TMCC1: variants seen among roughly 807,000 people sequenced by gnomAD.
TMCC1 encodes the protein transmembrane and coiled-coil domains protein 1.
A neutral mutation model predicts 52.4 loss-of-function variants in TMCC1; 15 were observed. The ratio of observed to expected loss-of-function variants is 0.29; its 90% CI spans 0.19 to 0.44. TMCC1 has a LOEUF of 0.44. Ranked by LOEUF, TMCC1 falls within the 20% of genes least tolerant of loss-of-function variation. TMCC1 has a pLI of 1.00. For synonymous variants in TMCC1, 279 were observed against 301.9 expected (o/e 0.92, Z 0.79); for missense variants, 503 against 806.0 (o/e 0.62, Z 4.55).
In TMCC1 at chr3:129,671,161, G is replaced by A. The variant is rs1292142348; in HGVS notation, c.680C>T (p.Pro227Leu). 6.2e-7 allele frequency: 1 copy of A among 1,614,164 alleles called. No individual in the cohort carries two copies. The highest frequency in any genetic ancestry group is 8.5e-7 in the Non-Finnish European group (1 of 1,180,032). ...AGCAATGGCAGCCTTTGTGCGCTGA[G>A]GGTCTGGTGTTCCATCCACAGAGTC... ...HTDSVDGTPD[P>L]QRTKAAIAHL... Residue 227 changes from proline (P) to leucine (L), a missense_variant, in exon 5 of 7, where the codon CCT (proline) becomes CTT (leucine). By Grantham distance (98) the Pro-to-Leu change is moderately conservative (BLOSUM62 -3). This residue lies in a region of TMCC1 where 217 missense variants were observed against 297.9 expected (regional missense o/e 0.73). Transcript: ENST00000393238.
At chr3:129,840,906 G>A (rs188436439) in intron 2 of TMCC1, among the ~76,000 whole-genome samples, 10 of 152,266 alleles carry the variant, frequency 6.6e-5, no homozygotes, top group Admixed American at 1.3e-4. Flanking sequence ...CAGGAATGGG[G>A]TACTACTATA....
chr3:129,867,539 C>T (rs2060710153), intron 2 of TMCC1, among the ~76,000 whole-genome samples: 1 of 152,128 alleles, frequency 6.6e-6, no homozygotes, highest in Admixed American at 6.6e-5. Context: ...TCAATAAATG[C>T]TAATTCAGTG....
intron 4 of TMCC1, among the ~76,000 whole-genome samples, chr3:129,814,888 C>T (rs910057164): frequency 2.6e-5 from 4 of 152,118 alleles, no homozygotes; most frequent in African/African-American, 9.7e-5. Flanking sequence ...AACATCAGAG[C>T]TCCCAAGTAC....
chr3:129,656,529 T>C (rs745398027), intron 5 of TMCC1: 25 of 152,344 alleles, frequency 1.6e-4, no homozygotes, highest in Middle Eastern at 3.4e-3. Flanking sequence ...TTTCTGTGTT[T>C]AAGGTAATTT....
intron 4 of TMCC1, among the ~76,000 whole-genome samples, chr3:129,816,486 A>G (rs1423389306): frequency 6.6e-6 from 1 of 152,210 alleles, no homozygotes; most frequent in Non-Finnish European, 1.5e-5. Flanking sequence ...GCCAAGCAAG[A>G]TAAACATCAC....
chr3:129,885,249 A>C (rs1415936434), intron 1 of TMCC1, among the ~76,000 whole-genome samples: 1 of 152,172 alleles, frequency 6.6e-6, no homozygotes, highest in Non-Finnish European at 1.5e-5. Flanking sequence ...CCAAACTGGC[A>C]AAAGAAGAAA....
chr3:129,662,545 C>T (rs969735139), intron 5 of TMCC1, among the ~76,000 whole-genome samples: 4 of 151,938 alleles, frequency 2.6e-5, no homozygotes, highest in Non-Finnish European at 4.4e-5. Flanking sequence ...AGCTGAGGCA[C>T]GACAATTGCT....
At chr3:129,845,786 T>G (rs1317647449) in intron 2 of TMCC1, among the ~76,000 whole-genome samples, 1 of 152,090 alleles carries the variant, frequency 6.6e-6, no homozygotes, top group Admixed American at 6.6e-5. Flanking sequence ...TAAAATACCC[T>G]GAAATTCCAT....
chr3:129,772,426 C>T (rs1167691286), intron 4 of TMCC1, among the ~76,000 whole-genome samples: 1 of 151,880 alleles, frequency 6.6e-6, no homozygotes, highest in Admixed American at 6.6e-5. Context: ...ATTAAAACAA[C>T]TGATTCATAC....
chr3:129,704,316 T>C (rs2048054321), intron 4 of TMCC1, among the ~76,000 whole-genome samples: 2 of 152,228 alleles, frequency 1.3e-5, no homozygotes, highest in African/African-American at 4.8e-5. Flanking sequence ...TTCTATAACC[T>C]GGTATCAACA....
intron 4 of TMCC1, among the ~76,000 whole-genome samples, chr3:129,712,625 T>A (rs1445981817): frequency 6.6e-6 from 1 of 151,328 alleles, no homozygotes; most frequent in Non-Finnish European, 1.5e-5. Flanking sequence ...TTAAAAAAAT[T>A]TTTTTTTTGT....
intron 4 of TMCC1, among the ~76,000 whole-genome samples, chr3:129,764,409 G>A (rs949398291): frequency 1.3e-5 from 2 of 152,032 alleles, no homozygotes; most frequent in African/African-American, 4.8e-5. Flanking sequence ...TCCATACAAG[G>A]CCATAACAAT....
At chr3:129,816,757 C>T (rs2058116269) in intron 4 of TMCC1, among the ~76,000 whole-genome samples, 1 of 152,130 alleles carries the variant, frequency 6.6e-6, no homozygotes, top group Admixed American at 6.5e-5. Flanking sequence ...GGCATAATGG[C>T]TCATGCTTGT....
intron 1 of TMCC1, among the ~76,000 whole-genome samples, chr3:129,891,047 C>A (rs2061941957): frequency 6.6e-6 from 1 of 152,218 alleles, no homozygotes; most frequent in Non-Finnish European, 1.5e-5. Flanking sequence ...AAGTTCAACA[C>A]TGGAAAACAA....
chr3:129,852,699 TAC>T (rs2059971187), intron 2 of TMCC1, among the ~76,000 whole-genome samples: 1 of 152,202 alleles, frequency 6.6e-6, no homozygotes. Flanking sequence ...AATTTTCTGT[TAC>T]GTGTTACCAC....
At chr3:129,678,744 G>A (rs2088697994) in intron 4 of TMCC1, among the ~76,000 whole-genome samples, 1 of 151,994 alleles carries the variant, frequency 6.6e-6, no homozygotes, top group African/African-American at 2.4e-5. Context: ...CAAAGCATAG[G>A]GAATTTAAGT....
chr3:129,815,829 A>G (rs1472671136), intron 4 of TMCC1, among the ~76,000 whole-genome samples: 1 of 152,222 alleles, frequency 6.6e-6, no homozygotes, highest in African/African-American at 2.4e-5. Flanking sequence ...AATGGGAGAA[A>G]ATATTTACAA....
chr3:129,826,038 ACT>A (rs532649088), intron 4 of TMCC1, among the ~76,000 whole-genome samples: 14 of 152,194 alleles, frequency 9.2e-5, no homozygotes, highest in Admixed American at 4.6e-4. Flanking sequence ...CTTTACTTAC[ACT>A]TTTTCTTTTT....
chr3:129,866,260 TTATACATATATAATATA>T (rs1231312341), intron 2 of TMCC1, among the ~76,000 whole-genome samples: 1 of 132,996 alleles, frequency 7.5e-6, no homozygotes, highest in African/African-American at 2.8e-5. Flanking sequence ...ATAATATATA[TTATACATATATAATATA>T]TATACATATA....
Sources: gnomAD v4.1 joint callset for allele counts (sites outside exome capture counted in the v4.1 genomes callset) on GRCh38, gnomAD v4.1.1 for gene constraint, gnomAD v4.1.1 regional missense constraint, MANE v1.5 for transcripts, NCBI Gene and HGNC (gene_info 2026-07-23, HGNC 2026-07-21) for gene names.